The following CSMD1 variants were observed in gnomAD, a reference collection of about 807,000 sequenced individuals.
The protein encoded by CSMD1 is CUB and Sushi multiple domains 1, also known as CUB and sushi domain-containing protein 1.
CSMD1 carries 213 observed loss-of-function variants against 417.5 expected under a neutral mutation model. The ratio of observed to expected loss-of-function variants is 0.51; its 90% CI spans 0.46 to 0.57. The LOEUF (loss-of-function observed/expected upper bound fraction) is 0.57, where lower values mean the gene tolerates loss of function less well. Ranked by LOEUF, CSMD1 falls within the 20% of genes least tolerant of loss-of-function variation. CSMD1 has a pLI of 0.00. For missense variants in CSMD1, 6,923 were observed against 4,529.7 expected, an observed-to-expected ratio of 1.53 and a Z score of -15.17; for synonymous variants, 2,862 against 1,736.8, an observed-to-expected ratio of 1.65 and a Z score of -16.11.
At chr8:4,257,302 C>T (rs866298585) in intron 3 of CSMD1, among the ~76,000 whole-genome samples, 4 of 152,068 alleles carry the variant, frequency 2.6e-5, no homozygotes, top group South Asian at 2.1e-4. Context: ...TATTATTTTA[C>T]AATACAGTTT....
chr8:4,083,692 A>C (rs2130822085), intron 3 of CSMD1, among the ~76,000 whole-genome samples: 1 of 152,320 alleles, frequency 6.6e-6, no homozygotes, highest in South Asian at 2.1e-4. Flanking sequence ...AAATCAATTC[A>C]AGATGGATTA....
intron 6 of CSMD1, among the ~76,000 whole-genome samples, chr8:3,739,343 C>T (rs1313487099): frequency 2.0e-5 from 3 of 152,136 alleles, no homozygotes; most frequent in African/African-American, 7.2e-5. Flanking sequence ...TCTATGGCAC[C>T]ACAGTGTGAC....
chr8:3,560,107 C>A (rs1055567563), intron 10 of CSMD1, among the ~76,000 whole-genome samples: 3 of 152,018 alleles, frequency 2.0e-5, no homozygotes, highest in African/African-American at 4.8e-5. Context: ...ATTCCAGGAC[C>A]CATTCGAACT....
chr8:3,578,089 G>C (rs184736656), intron 9 of CSMD1, among the ~76,000 whole-genome samples: 1 of 152,182 alleles, frequency 6.6e-6, no homozygotes, highest in African/African-American at 2.4e-5. Context: ...AGTGGAGAGA[G>C]AAGAGCCAAC....
chr8:3,495,726 G>T (rs1223029698), intron 10 of CSMD1, among the ~76,000 whole-genome samples: 1 of 152,152 alleles, frequency 6.6e-6, no homozygotes, highest in African/African-American at 2.4e-5. Flanking sequence ...AAGAACCAGA[G>T]ATGCAAATGA....
intron 3 of CSMD1, among the ~76,000 whole-genome samples, chr8:4,280,923 G>C (rs891787269): frequency 3.3e-5 from 5 of 152,166 alleles, no homozygotes; most frequent in Non-Finnish European, 7.3e-5. Flanking sequence ...AATTGCAAAA[G>C]TAGATATACA....
At chr8:4,568,012 T>A (rs1307795682) in intron 2 of CSMD1, among the ~76,000 whole-genome samples, 1 of 152,194 alleles carries the variant, frequency 6.6e-6, no homozygotes, top group Non-Finnish European at 1.5e-5. Flanking sequence ...CAGGGCTGGA[T>A]CAGAGCCCAT....
chr8:4,773,274 C>G (rs1000578358), intron 1 of CSMD1, among the ~76,000 whole-genome samples: 3 of 151,892 alleles, frequency 2.0e-5, no homozygotes, highest in Non-Finnish European at 4.4e-5. Flanking sequence ...ATTAGGGATA[C>G]TCAATCTACA....
At position 3,790,798 on chromosome 8, in the gene CSMD1, T is replaced by G. The variant is rs2720811; in HGVS notation, c.819-36756A>C. Among the ~76,000 whole-genome samples, 2 of 151,992 alleles carry G rather than the reference T, an allele frequency of 1.3e-5. 1 individual carries two copies. Among genetic ancestry groups the G allele is most frequent in the Admixed American group, 1.3e-4 (2 of 15,266 alleles). On this transcript the variant is annotated intron_variant, in intron 5 of 69. Transcript: ENST00000635120. ...TAGTGAGTTTGGGGTTTTTGCAACA[T>G]TGAGGTCGATAATGGGACCTGGAGA...
At chr8:3,018,721 AC>A in intron 51 of CSMD1, 71 bp from the exon 52 acceptor site, 1 of 1,400,424 alleles carries the variant, frequency 7.1e-7, no homozygotes, top group Non-Finnish European at 9.7e-7. Flanking sequence ...AAACAAACAA[AC>A]AAAAACAAAC....
Position 3,542,697 on chromosome 8 carries a change from A to G in CSMD1, c.1344+32248T>C, listed in dbSNP as rs183880537. Among the ~76,000 whole-genome samples the G allele has an allele frequency of 7.2e-5, 11 of 152,328 alleles. No homozygotes were observed. In the East Asian group the frequency reaches 1.9e-3, roughly 27 times the overall value. ...CTATTCTTGCTCAAATGTCTCAAGA[A>G]TAACTGTCAAATGTGCTGGGGATGC... On this transcript the variant is annotated intron_variant, in intron 10 of 69. Coordinates refer to ENST00000635120, the MANE Select transcript of CSMD1 (RefSeq NM_033225.6).
chr8:3,676,465 GTTATA>G (rs1799380511), intron 7 of CSMD1, among the ~76,000 whole-genome samples: 1 of 152,162 alleles, frequency 6.6e-6, no homozygotes, highest in African/African-American at 2.4e-5. Flanking sequence ...ATTATTACAT[GTTATA>G]TTGTATTTAA....
chr8:4,469,583 C>T (rs1044113153), intron 2 of CSMD1, among the ~76,000 whole-genome samples: 2 of 152,168 alleles, frequency 1.3e-5, no homozygotes, highest in Non-Finnish European at 2.9e-5. Flanking sequence ...TGTGCAAACA[C>T]CTTGGAGTGG....
intron 2 of CSMD1, among the ~76,000 whole-genome samples, chr8:4,563,781 T>A (rs1391781665): frequency 6.6e-6 from 1 of 152,178 alleles, no homozygotes; most frequent in African/African-American, 2.4e-5. Flanking sequence ...AGCCCTGTCC[T>A]AAATGTTTCT....
Position 3,205,639 on chromosome 8 carries a change from G to C in CSMD1, c.4868-19C>G, listed in dbSNP as rs761708179. The stretch of plus-strand genomic sequence containing the variant: ...CAGGGAGCTGAAAATAAAATCAACC[G>C]AGAATTAGTCGCTGTGCAATAATAG... On this transcript the variant is annotated intron_variant, in intron 30 of 69. Transcript: ENST00000635120. 4.3e-5 allele frequency: 55 copies of C among 1,273,698 alleles called. 1 individual carries two copies. Among genetic ancestry groups the C allele is most frequent in the Middle Eastern group, 1.9e-4 (1 of 5,160 alleles). 78.9% of individuals were successfully genotyped at this position (1,273,698 alleles called of 1,614,324 possible). A position where few individuals can be genotyped will look rare whatever the true frequency, so the allele number is the denominator to read the frequency against.
intron 2 of CSMD1, among the ~76,000 whole-genome samples, chr8:4,576,819 TAAAA>T (rs1799159246): frequency 6.6e-6 from 1 of 151,938 alleles, no homozygotes; most frequent in Non-Finnish European, 1.5e-5. Context: ...TATTAATACT[TAAAA>T]CAAACTATTT....
At chr8:4,775,859 A>G (rs957031133) in intron 1 of CSMD1, among the ~76,000 whole-genome samples, 2 of 152,188 alleles carry the variant, frequency 1.3e-5, no homozygotes, top group East Asian at 1.9e-4. Flanking sequence ...TATTTCTTCA[A>G]TGTAATGTAC....
At chr8:4,652,868 G>C (rs183680271) in intron 1 of CSMD1, among the ~76,000 whole-genome samples, 92 of 152,188 alleles carry the variant, frequency 6.0e-4, no homozygotes, top group Non-Finnish European at 9.6e-4. Context: ...GTTCACAATA[G>C]GGTTCATGCT....
intron 3 of CSMD1, among the ~76,000 whole-genome samples, chr8:4,397,357 A>G (rs945475853): frequency 2.0e-5 from 3 of 152,154 alleles, no homozygotes; most frequent in African/African-American, 7.2e-5. Flanking sequence ...TGAAAGAGGA[A>G]GTCGAAAAAG....
Sources: allele counts gnomAD v4.1 joint callset (sites outside exome capture counted in the v4.1 genomes callset), GRCh38; gene constraint gnomAD v4.1.1; transcripts MANE v1.5; gene names NCBI Gene and HGNC (gene_info 2026-07-23, HGNC 2026-07-21).